NTN4: variants seen among roughly 807,000 people sequenced by gnomAD.
NTN4 encodes the protein netrin-4.
In NTN4, 32 loss-of-function variants were observed where a neutral mutation model predicts 73.6. The observed-to-expected ratio is 0.44, with a 90% CI of 0.33 to 0.58. The LOEUF (loss-of-function observed/expected upper bound fraction) is 0.58, where lower values mean the gene tolerates loss of function less well. Ranked by LOEUF, NTN4 falls within the 20% of genes least tolerant of loss-of-function variation. NTN4 has a pLI of 0.04. For synonymous variants in NTN4, 258 were observed against 287.5 expected (o/e 0.90, Z 1.04); for missense variants, 654 against 798.3 (o/e 0.82, Z 2.18).
chr12:95,722,069 T>C (rs947118654), intron 3 of NTN4, among the ~76,000 whole-genome samples: 3 of 138,638 alleles, frequency 2.2e-5, no homozygotes, highest in Non-Finnish European at 4.5e-5. Context: ...CAGTAGATCT[T>C]TTTTTTTTTT....
At position 95,671,183 on chromosome 12, in the gene NTN4, G is replaced by A. The variant is rs2078227241; in HGVS notation, c.1511-1037C>T. 5 of 152,234 alleles carry A rather than the reference G, an allele frequency of 3.3e-5. 1 individual carries two copies. The South Asian group carries it at 1.0e-3, about 32-fold the overall frequency. The allele number at this position is 152,234 out of a possible 1,614,324, so 9.4% of individuals were successfully genotyped here. A position where few individuals can be genotyped will look rare whatever the true frequency, so the allele number is the denominator to read the frequency against. ...CTGGCTAATTTTTATATTTTTAGTA[G>A]AGACGGAGTTTCACCATATTGGTCA... On this transcript the variant is annotated intron_variant, in intron 7 of 9. Transcript: ENST00000343702.
intron 4 of NTN4, among the ~76,000 whole-genome samples, chr12:95,711,911 T>C (rs975373689): frequency 3.3e-5 from 5 of 152,232 alleles, no homozygotes; most frequent in African/African-American, 1.2e-4. Flanking sequence ...GCTATTGTTT[T>C]TCATTGTTTC....
At chr12:95,693,656 GGGAAGC>G (rs1014398114) in intron 5 of NTN4, among the ~76,000 whole-genome samples, 1 of 150,432 alleles carries the variant, frequency 6.6e-6, no homozygotes, top group African/African-American at 2.4e-5. Flanking sequence ...GCTTGAACCT[GGGAAGC>G]GGAGGCTGCA....
At chr12:95,752,666 CCTT>C (rs2078918730) in intron 2 of NTN4, among the ~76,000 whole-genome samples, 1 of 152,090 alleles carries the variant, frequency 6.6e-6, no homozygotes, top group Non-Finnish European at 1.5e-5. Context: ...AACCCCAGCA[CCTT>C]CTACAAAACA....
At chr12:95,714,019 G>A (rs1406318628) in intron 3 of NTN4, among the ~76,000 whole-genome samples, 1 of 151,954 alleles carries the variant, frequency 6.6e-6, no homozygotes, top group Non-Finnish European at 1.5e-5. Flanking sequence ...AAGTAATATT[G>A]AAAATATGTG....
rs7979484 is a variant in NTN4, at chr12:95,789,300, C to T, written c.55+955G>A. Among the ~76,000 whole-genome samples, 62,356 of 152,016 alleles carry T rather than the reference C, an allele frequency of 0.41. 13,241 individuals are homozygous for T. Among genetic ancestry groups the T allele is most frequent in the East Asian group, 0.66 (3,387 of 5,138 alleles). On this transcript the variant is annotated intron_variant, in intron 1 of 9. Coordinates refer to ENST00000343702, the MANE Select transcript of NTN4 (RefSeq NM_021229.4). The surrounding 1 kb of genome is among the most constrained non-coding windows in gnomAD (Gnocchi z 4.0). ...GGGAGGAGATGCGTGCTACAATGTT[C>T]TGTAGCCACCAGCGCATCCCTCTAG... is the stretch of plus-strand genomic sequence containing the variant.
At position 95,790,318 on chromosome 12, in the gene NTN4, G is replaced by A. The variant is rs765729410; in HGVS notation, c.-9C>T. ...CGCGCGCAGCTCCCCATGGCCGGGA[G>A]GAGCCGGGAGCAGCCGGGCCGGGCG... On this transcript the variant is annotated 5_prime_UTR_variant, in exon 1 of 10. Transcript: ENST00000343702. This position sits in a 1 kb window ranked among gnomAD's most constrained non-coding sequence, Gnocchi z 6.5. The A allele has an allele frequency of 6.5e-7, 1 of 1,526,856 alleles. No homozygotes were observed. Among genetic ancestry groups the A allele is most frequent in the South Asian group, 1.2e-5 (1 of 81,636 alleles). 94.6% of individuals were successfully genotyped at this position (1,526,856 alleles called of 1,614,324 possible). A position where few individuals can be genotyped will look rare whatever the true frequency, so the allele number is the denominator to read the frequency against.
chr12:95,776,930 A>G (rs1464433644), intron 2 of NTN4, among the ~76,000 whole-genome samples: 3 of 152,228 alleles, frequency 2.0e-5, no homozygotes, highest in Non-Finnish European at 4.4e-5. Flanking sequence ...GGTTACCCAC[A>G]AAGGGAAGTC....
intron 2 of NTN4, among the ~76,000 whole-genome samples, chr12:95,738,906 A>G (rs2078802322): frequency 6.6e-6 from 1 of 152,156 alleles, no homozygotes; most frequent in Admixed American, 6.5e-5. Flanking sequence ...ATAAACAGAG[A>G]TTGGATCGTG....
intron 2 of NTN4, among the ~76,000 whole-genome samples, chr12:95,756,630 C>T (rs1277631551): frequency 1.3e-5 from 2 of 152,106 alleles, no homozygotes; most frequent in Non-Finnish European, 2.9e-5. Context: ...CTTAGGAATA[C>T]CCCACTACTT....
chr12:95,781,744 T>G lies in NTN4; in HGVS notation c.585+5195A>C, dbSNP rs190382536. ...AAAAGTAATAATTAATTTAAAAAAA[T>G]AGAAAAATAAAAATAGCAAACCTTC... is the stretch of plus-strand genomic sequence containing the variant. On this transcript the variant is annotated intron_variant, in intron 2 of 9. Coordinates refer to ENST00000343702, the MANE Select transcript of NTN4 (RefSeq NM_021229.4). This position sits in a 1 kb window ranked among gnomAD's most constrained non-coding sequence, Gnocchi z 4.1. Among the ~76,000 whole-genome samples, 1 of 152,286 alleles carries G rather than the reference T, an allele frequency of 6.6e-6. No homozygotes were observed. Among genetic ancestry groups the G allele is most frequent in the East Asian group, 1.9e-4 (1 of 5,182 alleles).
At chr12:95,726,507 T>C (rs1255345404) in intron 3 of NTN4, among the ~76,000 whole-genome samples, 1 of 152,260 alleles carries the variant, frequency 6.6e-6, no homozygotes, top group East Asian at 1.9e-4. Context: ...AGTTTATCCA[T>C]TCATCAAGTG....
At chr12:95,715,769 C>A (rs894470277) in intron 3 of NTN4, among the ~76,000 whole-genome samples, 6 of 152,012 alleles carry the variant, frequency 3.9e-5, no homozygotes, top group African/African-American at 1.2e-4. Flanking sequence ...AGACATATTA[C>A]TTTTATTGAA....
At chr12:95,742,429 A>G (rs2078833558) in intron 2 of NTN4, among the ~76,000 whole-genome samples, 1 of 152,134 alleles carries the variant, frequency 6.6e-6, no homozygotes, top group African/African-American at 2.4e-5. Context: ...TAAACAGAGC[A>G]TCAATACAGT....
At chr12:95,662,517 C>T (rs1320130493) in intron 9 of NTN4, among the ~76,000 whole-genome samples, 2 of 152,092 alleles carry the variant, frequency 1.3e-5, no homozygotes, top group Non-Finnish European at 2.9e-5. Flanking sequence ...AGGTGTGAAC[C>T]ACTGCACCCT....
chr12:95,765,430 C>G (rs2079014264), intron 2 of NTN4, among the ~76,000 whole-genome samples: 1 of 152,062 alleles, frequency 6.6e-6, no homozygotes. Context: ...ATGTTGTCCT[C>G]TAACTCAATG....
At chr12:95,774,429 AG>A (rs2121280180) in intron 2 of NTN4, among the ~76,000 whole-genome samples, 2 of 152,306 alleles carry the variant, frequency 1.3e-5, no homozygotes, top group South Asian at 4.1e-4. Flanking sequence ...GCAGGTGGGA[AG>A]GCTTCAACAG....
chr12:95,745,733 T>C (rs190357290), intron 2 of NTN4, among the ~76,000 whole-genome samples: 2 of 152,342 alleles, frequency 1.3e-5, no homozygotes, highest in African/African-American at 2.4e-5. Context: ...TTTTACCTTG[T>C]TGGGGGCTGA....
In NTN4 at chr12:95,790,347, G is replaced by C. The variant is rs1026808200; in HGVS notation, c.-38C>G. The C allele has an allele frequency of 6.7e-7, 1 of 1,502,482 alleles. No homozygotes were observed. 93.1% of individuals were successfully genotyped at this position (1,502,482 alleles called of 1,614,324 possible). On this transcript the variant is annotated 5_prime_UTR_variant, in exon 1 of 10. Coordinates refer to ENST00000343702, the MANE Select transcript of NTN4 (RefSeq NM_021229.4). The surrounding 1 kb of genome is among the most constrained non-coding windows in gnomAD (Gnocchi z 6.5). ...CCGGGAGCAGCCGGGCCGGGCGGGTGCCGGAGGGAGCCGAGACCTCTGGGC... is the reference window on the plus strand; with the variant it reads ...CCGGGAGCAGCCGGGCCGGGCGGGTCCCGGAGGGAGCCGAGACCTCTGGGC...
Sources: gnomAD v4.1 joint callset for allele counts (sites outside exome capture counted in the v4.1 genomes callset) on GRCh38, gnomAD v4.1.1 for gene constraint, Gnocchi (gnomAD v3.1) non-coding constraint, MANE v1.5 for transcripts, NCBI Gene and HGNC (gene_info 2026-07-23, HGNC 2026-07-21) for gene names.